Variants in DNM1L observed in about 807,000 individuals in gnomAD.
DNM1L encodes dynamin 1L, also known as dynamin-1-like protein.
Under a neutral mutation model 92.8 loss-of-function variants are expected in DNM1L, and 33 were observed. That is an observed-to-expected ratio of 0.36 (90% CI 0.27 to 0.48). The LOEUF is 0.48. Among genes scored for constraint, DNM1L ranks in the 20% least tolerant of loss-of-function variants. The pLI is 0.99. For synonymous variants in DNM1L, 284 were observed against 305.0 expected, an observed-to-expected ratio of 0.93 and a Z score of 0.72; for missense variants, 485 against 888.8, an observed-to-expected ratio of 0.55 and a Z score of 5.78.
chr12:32,731,279 A>G lies in DNM1L; in HGVS notation c.1201-77A>G. On this transcript the variant is annotated intron_variant, in intron 10 of 19. Coordinates refer to ENST00000549701, the MANE Select transcript of DNM1L (RefSeq NM_012062.5). The surrounding 1 kb of genome is among the most constrained non-coding windows in gnomAD (Gnocchi z 5.1). ...AAAAGCATTTTTCATGAAAAGTACC[A>G]AAAATGTGACTTTCTTAACCCTTGG... 1 of 1,598,112 alleles carries G rather than the reference A, an allele frequency of 6.3e-7. No homozygotes were observed. The highest frequency in any genetic ancestry group is 1.4e-5 in the African/African-American group (1 of 74,060).
chr12:32,699,674 A>G (rs1029571920), intron 1 of DNM1L, among the ~76,000 whole-genome samples: 17 of 151,870 alleles, frequency 1.1e-4, no homozygotes, highest in Admixed American at 2.0e-4. Context: ...CACGCCTGTA[A>G]TCTCAGCTAC....
At chr12:32,685,387 G>GTC (rs1235912585) in intron 1 of DNM1L, among the ~76,000 whole-genome samples, 3 of 142,414 alleles carry the variant, frequency 2.1e-5, no homozygotes, top group African/African-American at 7.9e-5. Context: ...TTGAGACAGG[G>GTC]TCTCACTTTC....
chr12:32,723,138 CTTTTT>C (rs749276773), intron 9 of DNM1L, among the ~76,000 whole-genome samples: 1 of 142,672 alleles, frequency 7.0e-6, no homozygotes, highest in African/African-American at 2.6e-5. Flanking sequence ...AAATTCCATC[CTTTTT>C]TTTTTTTAAT....
At chr12:32,730,453 A>T (rs968919497) in intron 9 of DNM1L, among the ~76,000 whole-genome samples, 1 of 152,274 alleles carries the variant, frequency 6.6e-6, no homozygotes, top group African/African-American at 2.4e-5. Context: ...CTGTGATCCC[A>T]GCACTTTGGG....
intron 1 of DNM1L, among the ~76,000 whole-genome samples, chr12:32,682,902 C>T (rs151233214): frequency 2.6e-4 from 40 of 152,228 alleles, no homozygotes; most frequent in African/African-American, 9.4e-4. Context: ...AATGAACAGA[C>T]ACAGTGGGGA....
Position 32,737,169 on chromosome 12 carries a change from AAT to A in DNM1L, c.1596+9_1596+10del, listed in dbSNP as rs754982643. On this transcript the variant is annotated intron_variant, in intron 14 of 19. Coordinates refer to ENST00000549701, the MANE Select transcript of DNM1L (RefSeq NM_012062.5). ...GCTGTATCACGAGACAAGGTAAAAA[AAT>A]GTTTTTAATGCATATTCCCAATACC... is the stretch of plus-strand genomic sequence containing the variant. 5.0e-6 allele frequency: 8 copies of A among 1,613,314 alleles called. No individual in the cohort carries two copies. Among genetic ancestry groups the A allele is most frequent in the Non-Finnish European group, 6.8e-6 (8 of 1,179,684 alleles).
rs952534757 is a variant in DNM1L at position 32,707,419 on chromosome 12, C to T, written c.297+6C>T. On this transcript the variant is annotated splice_donor_region_variant and intron_variant, in intron 3 of 19. Transcript: ENST00000549701. Reference sequence around the variant, plus strand: ...TTCTTCACACCAAAAATAAGGTAATCACACATGCATATAATGAAGAAATAA... The same window carrying T: ...TTCTTCACACCAAAAATAAGGTAATTACACATGCATATAATGAAGAAATAA... 5.0e-6 allele frequency: 8 copies of T among 1,592,842 alleles called. No homozygotes were observed. Among genetic ancestry groups the T allele is most frequent in the Non-Finnish European group, 6.9e-6 (8 of 1,167,700 alleles).
At position 32,742,729 on chromosome 12, in the gene DNM1L, A is replaced by T; in HGVS notation, c.2135A>T (p.Glu712Val). ...ESEDMAQRRK[E>V]AADMLKALQG... ...GAGGACATGGCACAGCGCAGGAAAGAAGCAGCTGATATGCTAAAGGTATTG... is the reference window on the plus strand; with the variant it reads ...GAGGACATGGCACAGCGCAGGAAAGTAGCAGCTGATATGCTAAAGGTATTG... The change falls in exon 19 of 20, where the codon GAA becomes GTA. Residue 712 changes from glutamate (E) to valine (V), a missense_variant. By Grantham distance (121) the Glu-to-Val change is moderately radical. Coordinates refer to ENST00000549701, the MANE Select transcript of DNM1L (RefSeq NM_012062.5). 1.2e-6 allele frequency: 2 copies of T among 1,614,104 alleles called. No homozygotes were observed. Among genetic ancestry groups the T allele is most frequent in the Non-Finnish European group, 1.7e-6 (2 of 1,180,016 alleles).
intron 5 of DNM1L, 162 bp downstream of exon 5, chr12:32,711,177 C>A: frequency 1.5e-6 from 1 of 655,090 alleles, no homozygotes. Flanking sequence ...ACTTGGCTTC[C>A]AGGATACCAC....
At position 32,731,648 on chromosome 12, in the gene DNM1L, A is replaced by C. The variant is rs1954561492; in HGVS notation, c.1356+137A>C. ...TTCCCTTACCTGAAAGTGATTTGAA[A>C]TAGGATTCTTAAATGTAGTCTCCAA... On this transcript the variant is annotated intron_variant, in intron 11 of 19. Coordinates refer to ENST00000549701, the MANE Select transcript of DNM1L (RefSeq NM_012062.5). The surrounding 1 kb of genome is among the most constrained non-coding windows in gnomAD (Gnocchi z 5.1). 1 of 1,190,754 alleles carries C rather than the reference A, an allele frequency of 8.4e-7. No homozygotes were observed. Among genetic ancestry groups the C allele is most frequent in the Non-Finnish European group, 1.2e-6 (1 of 834,544 alleles). 73.8% of individuals were successfully genotyped at this position (1,190,754 alleles called of 1,614,324 possible).
chr12:32,712,137 A>T (rs1953148677), intron 5 of DNM1L, among the ~76,000 whole-genome samples: 1 of 152,242 alleles, frequency 6.6e-6, no homozygotes, highest in Non-Finnish European at 1.5e-5. Context: ...TCATCTTAGT[A>T]GACAGTGATA....
chr12:32,726,210 T>C (rs928856655), intron 9 of DNM1L, among the ~76,000 whole-genome samples: 9 of 152,162 alleles, frequency 5.9e-5, no homozygotes, highest in Admixed American at 4.6e-4. Flanking sequence ...GCAGAAAAAC[T>C]AGTGAAAATG....
intron 9 of DNM1L, among the ~76,000 whole-genome samples, chr12:32,727,731 T>C (rs981970474): frequency 6.6e-6 from 1 of 152,172 alleles, no homozygotes; most frequent in African/African-American, 2.4e-5. Context: ...GTCTGAAGAT[T>C]TGCATAGTAT....
At position 32,679,308 on chromosome 12, in the gene DNM1L, C is replaced by G. The variant is rs772176772; in HGVS notation, c.-56C>G. The stretch of plus-strand genomic sequence containing the variant: ...GGAGGAAGGAGGCGAACTGTGGGCC[C>G]CGGCCCCATTCATTGCCGTGGCCGG... On this transcript the variant is annotated 5_prime_UTR_variant, in exon 1 of 20. Transcript: ENST00000549701. The G allele has an allele frequency of 3.2e-6, 4 of 1,251,566 alleles. No individual in the cohort carries two copies. Among genetic ancestry groups the G allele is most frequent in the African/African-American group, 1.5e-5 (1 of 68,154 alleles). 77.5% of individuals were successfully genotyped at this position (1,251,566 alleles called of 1,614,324 possible). A position where few individuals can be genotyped will look rare whatever the true frequency, so the allele number is the denominator to read the frequency against.
intron 9 of DNM1L, chr12:32,727,529 G>GAA: frequency 1.3e-5 from 5 of 396,598 alleles, no homozygotes; most frequent in Admixed American, 3.8e-5. Flanking sequence ...TCTGAAAATG[G>GAA]AAAAAAAAAC....
intron 5 of DNM1L, among the ~76,000 whole-genome samples, chr12:32,712,665 A>AG (rs1953181050): frequency 6.6e-6 from 1 of 150,400 alleles, no homozygotes. Flanking sequence ...AAAAAAAAAA[A>AG]AAAAAAAAAA....
At chr12:32,733,647 T>C in intron 12 of DNM1L, 68 bp from the exon 13 acceptor site, 1 of 1,304,300 alleles carries the variant, frequency 7.7e-7, no homozygotes, top group Non-Finnish European at 1.1e-6. Context: ...AAGTTTTATA[T>C]ATAAATTTCT....
chr12:32,724,955 C>A (rs1384541650), intron 9 of DNM1L, among the ~76,000 whole-genome samples: 3 of 151,942 alleles, frequency 2.0e-5, no homozygotes, highest in Non-Finnish European at 4.4e-5. Flanking sequence ...GTGACATACT[C>A]ATACTTCAAG....
At chr12:32,685,733 C>CT (rs149876175) in intron 1 of DNM1L, among the ~76,000 whole-genome samples, 23,198 of 149,626 alleles carry the variant, frequency 0.16, 1,875 homozygotes, top group Middle Eastern at 0.21. Context: ...TTGTTGTTAT[C>CT]TTTTTTTTTT....
Sources: allele counts gnomAD v4.1 joint callset (sites outside exome capture counted in the v4.1 genomes callset), GRCh38; gene constraint gnomAD v4.1.1; non-coding constraint Gnocchi (gnomAD v3.1); transcripts MANE v1.5; gene names NCBI Gene and HGNC (gene_info 2026-07-23, HGNC 2026-07-21).